XPO7: variants seen among roughly 807,000 people sequenced by gnomAD.
XPO7 encodes the protein exportin 7.
XPO7 carries 21 observed loss-of-function variants against 144.3 expected under a neutral mutation model. That is an observed-to-expected ratio of 0.15 (90% CI 0.10 to 0.21). XPO7 has a LOEUF of 0.21. Among genes scored for constraint, XPO7 ranks in the 10% least tolerant of loss-of-function variants. The pLI is 1.00. For synonymous variants in XPO7, 580 were observed against 499.6 expected (o/e 1.16, Z -2.15); for missense variants, 808 against 1,325.8 (o/e 0.61, Z 6.06).
intron 21 of XPO7, among the ~76,000 whole-genome samples, chr8:21,996,914 T>C (rs1812968796): frequency 6.6e-6 from 1 of 152,192 alleles, no homozygotes; most frequent in Non-Finnish European, 1.5e-5. Flanking sequence ...GTTCAAGCGA[T>C]TCTCCTGCCT....
At chr8:21,957,688 T>G (rs1342988012) in intron 1 of XPO7, among the ~76,000 whole-genome samples, 1 of 152,168 alleles carries the variant, frequency 6.6e-6, no homozygotes, top group Non-Finnish European at 1.5e-5. Flanking sequence ...GCTTTAAGAG[T>G]TAGACTTATC....
chr8:21,960,277 G>C (rs1364102673), intron 1 of XPO7, among the ~76,000 whole-genome samples: 1 of 152,192 alleles, frequency 6.6e-6, no homozygotes, highest in African/African-American at 2.4e-5. Context: ...AAAAATGACT[G>C]TGGGCCCGTT....
At chr8:21,994,898 C>CA (rs1384617633) in intron 20 of XPO7, among the ~76,000 whole-genome samples, 4 of 151,916 alleles carry the variant, frequency 2.6e-5, no homozygotes, top group African/African-American at 9.7e-5. Flanking sequence ...CTAAAAAATA[C>CA]AAAAAATTAG....
rs571499587 is a variant in XPO7, at chr8:21,943,792, A to T, written c.19-23065A>T. Among the ~76,000 whole-genome samples, 6 of 152,350 alleles carry T rather than the reference A, an allele frequency of 3.9e-5. No homozygotes were observed. In the East Asian group the frequency reaches 1.2e-3, roughly 29 times the overall value. ...ACATTGTGGAATATCATGGGAAGAT[A>T]AGTTATAATCTTATTAAACAAAGAG... is the stretch of plus-strand genomic sequence containing the variant. On this transcript the variant is annotated intron_variant, in intron 1 of 27. Transcript: ENST00000252512.
intron 12 of XPO7, among the ~76,000 whole-genome samples, chr8:21,985,333 G>A (rs1812544666): frequency 6.6e-6 from 1 of 152,226 alleles, no homozygotes; most frequent in African/African-American, 2.4e-5. Context: ...ACTGTGCCCA[G>A]CTTGGGTGTT....
chr8:21,993,808 A>C (rs1812845286), intron 19 of XPO7, among the ~76,000 whole-genome samples: 1 of 152,054 alleles, frequency 6.6e-6, no homozygotes, highest in South Asian at 2.1e-4. Context: ...CAGGGCCTGC[A>C]TCTGACTTCC....
At chr8:21,940,714 C>A (rs1810962884) in intron 1 of XPO7, among the ~76,000 whole-genome samples, 1 of 152,122 alleles carries the variant, frequency 6.6e-6, no homozygotes, top group Non-Finnish European at 1.5e-5. Context: ...GGTGATCCAC[C>A]TGCCTTGGCC....
intron 1 of XPO7, among the ~76,000 whole-genome samples, chr8:21,943,878 G>A (rs1382623188): frequency 2.6e-5 from 4 of 152,118 alleles, no homozygotes; most frequent in Non-Finnish European, 5.9e-5. Context: ...AAGTTGTGCC[G>A]GAGAGAGTAG....
intron 1 of XPO7, among the ~76,000 whole-genome samples, chr8:21,923,167 C>T (rs1423518957): frequency 6.6e-6 from 1 of 152,118 alleles, no homozygotes; most frequent in Admixed American, 6.5e-5. Flanking sequence ...TTTTCCAGTT[C>T]GACTAATACC....
At chr8:21,995,399 T>G in intron 20 of XPO7, 93 bp from the exon 21 acceptor site, 1 of 1,026,572 alleles carries the variant, frequency 9.7e-7, no homozygotes, top group South Asian at 1.6e-5. Flanking sequence ...GAACTGTAGT[T>G]TGACAAGTTT....
At chr8:21,995,053 C>CA (rs1038152748) in intron 20 of XPO7, among the ~76,000 whole-genome samples, 5 of 141,880 alleles carry the variant, frequency 3.5e-5, no homozygotes, top group African/African-American at 1.1e-4. Flanking sequence ...GACTCCATCT[C>CA]AAAAAAAAAT....
intron 21 of XPO7, among the ~76,000 whole-genome samples, chr8:21,996,801 T>C (rs1422798004): frequency 2.0e-5 from 3 of 152,078 alleles, no homozygotes; most frequent in African/African-American, 4.8e-5. Context: ...TTTTATTTTA[T>C]TTATTTATTT....
chr8:21,986,815 A>G (rs936349906), intron 13 of XPO7, among the ~76,000 whole-genome samples: 3 of 152,238 alleles, frequency 2.0e-5, no homozygotes, highest in African/African-American at 7.2e-5. Context: ...TTATTATGAC[A>G]TCTGTATTCG....
chr8:21,955,220 T>G (rs199508089), intron 1 of XPO7, among the ~76,000 whole-genome samples: 1 of 62,258 alleles, frequency 1.6e-5, no homozygotes, highest in Admixed American at 1.3e-4. Context: ...GCAGAATCAA[T>G]TCCATAAAAG....
intron 1 of XPO7, among the ~76,000 whole-genome samples, chr8:21,936,583 TCAC>T (rs1447323981): frequency 6.6e-6 from 1 of 152,246 alleles, no homozygotes; most frequent in Non-Finnish European, 1.5e-5. Flanking sequence ...CATTGGTCTA[TCAC>T]CTGTTGCCCA....
At position 21,998,752 on chromosome 8, in the gene XPO7, C is replaced by A. The variant is rs193210796; in HGVS notation, c.2346-3C>A. 1 of 1,613,758 alleles carries A rather than the reference C, an allele frequency of 6.2e-7. No individual in the cohort carries two copies. The highest frequency in any genetic ancestry group is 1.3e-5 in the African/African-American group (1 of 74,924). On this transcript the variant is annotated splice_polypyrimidine_tract_variant and splice_region_variant and intron_variant, in intron 21 of 27. Coordinates refer to ENST00000252512, the MANE Select transcript of XPO7 (RefSeq NM_015024.5). ...TTTTTCTCCTCCTGTGCTCTCTGCT[C>A]AGGTCCCAGCGACTCCAGTTTGATG...
intron 11 of XPO7, 137 bp downstream of exon 11, chr8:21,982,949 T>C: frequency 9.0e-7 from 1 of 1,112,694 alleles, no homozygotes; most frequent in Non-Finnish European, 1.2e-6. Context: ...TCTTCTTCCT[T>C]GTCAGCAGAG....
intron 27 of XPO7, 49 bp from the exon 28 acceptor site, chr8:22,004,946 C>T (rs1284208442): frequency 2.3e-6 from 2 of 879,364 alleles, no homozygotes; most frequent in African/African-American, 1.8e-5. Context: ...AAGGCAAATA[C>T]CTTTCCCCCC....
Position 21,984,787 on chromosome 8 carries a change from G to A in XPO7, c.1419G>A (p.Gln473=). The change falls in exon 12 of 28, where the codon CAG becomes CAA. Residue 473 remains glutamine, a synonymous_variant. Coordinates refer to ENST00000252512, the MANE Select transcript of XPO7 (RefSeq NM_015024.5). The part of the protein sequence containing the change: ...QLFDQSAQSY[Q]ELLQSASASP... ...TTGACCAGTCGGCCCAGTCGTACCAGGAGCTGCTACAGAGCGCCAGCGCAA... is the reference window on the plus strand; with the variant it reads ...TTGACCAGTCGGCCCAGTCGTACCAAGAGCTGCTACAGAGCGCCAGCGCAA... 1 of 1,614,000 alleles carries A rather than the reference G, an allele frequency of 6.2e-7. No homozygotes were observed. The highest frequency in any genetic ancestry group is 2.2e-5 in the East Asian group (1 of 44,878).
Sources: allele counts gnomAD v4.1 joint callset (sites outside exome capture counted in the v4.1 genomes callset), GRCh38; gene constraint gnomAD v4.1.1; transcripts MANE v1.5; gene names NCBI Gene and HGNC (gene_info 2026-07-23, HGNC 2026-07-21).